The following MYO1C variants were observed in gnomAD, a reference collection of about 807,000 sequenced individuals.
MYO1C encodes myosin IC, also known as unconventional myosin-Ic.
MYO1C carries 104 observed loss-of-function variants against 150.8 expected under a neutral mutation model. The ratio of observed to expected loss-of-function variants is 0.69; its 90% CI spans 0.59 to 0.81. MYO1C has a LOEUF of 0.81. Among genes scored for constraint, MYO1C ranks in the 30% least tolerant of loss-of-function variants. The probability of loss-of-function intolerance (pLI) is 0.00; values close to 1 mark genes in which losing one functional copy is unlikely to be tolerated. For synonymous variants in MYO1C, 663 were observed against 579.9 expected (o/e 1.14, Z -2.06); for missense variants, 1,504 against 1,435.0 (o/e 1.05, Z -0.78).
At chr17:1,486,643 G>T (rs1192082477) in intron 1 of MYO1C, among the ~76,000 whole-genome samples, 1 of 152,116 alleles carries the variant, frequency 6.6e-6, no homozygotes, top group East Asian at 1.9e-4. Flanking sequence ...AGCCTCCCGA[G>T]TAGCTGGGAT....
Position 1,478,073 on chromosome 17 carries a change from A to G in MYO1C, c.1401+14T>C. Reference sequence around the variant, plus strand: ...CCCGTGGCCCACGGAGAGTGCCCCCAGGCTAGCACACACCGCGATGCCCTC... The same window carrying G: ...CCCGTGGCCCACGGAGAGTGCCCCCGGGCTAGCACACACCGCGATGCCCTC... On this transcript the variant is annotated intron_variant, in intron 12 of 31. Transcript: ENST00000648651. This position sits in a 1 kb window ranked among gnomAD's most constrained non-coding sequence, Gnocchi z 6.3. 1 of 1,613,762 alleles carries G rather than the reference A, an allele frequency of 6.2e-7. No homozygotes were observed. The highest frequency in any genetic ancestry group is 8.5e-7 in the Non-Finnish European group (1 of 1,179,770).
chr17:1,467,338 G>C lies in MYO1C; in HGVS notation c.3069C>G (p.Ile1023Met). ...CCCTGCCGGGGCCCCCTGCAAACGT[G>C]ATGCTGGGGGAACGGGGTGGGTGAG... Reference protein sequence around the residue: ...VNSININQGSITFAGGPGRDG... With the variant: ...VNSININQGSMTFAGGPGRDG... Residue 1023 changes from isoleucine to methionine, a missense_variant, in exon 31 of 32, where the codon ATC becomes ATG. By Grantham distance (10) the Ile-to-Met change is conservative. Transcript: ENST00000648651. The C allele has an allele frequency of 6.2e-7, 1 of 1,612,334 alleles. No individual in the cohort carries two copies. Among genetic ancestry groups the C allele is most frequent in the Non-Finnish European group, 8.5e-7 (1 of 1,179,318 alleles).
rs765368791 is a variant in MYO1C, at chr17:1,478,533, G to A, written c.1213-41C>T. On this transcript the variant is annotated intron_variant, in intron 10 of 31. Transcript: ENST00000648651. This position sits in a 1 kb window ranked among gnomAD's most constrained non-coding sequence, Gnocchi z 6.3. ...AACCGAAGGCGTGGGCCCCCTGCGCGTGCCAGCCCCACCCTGCAGCACCCC... is the reference window on the plus strand; with the variant it reads ...AACCGAAGGCGTGGGCCCCCTGCGCATGCCAGCCCCACCCTGCAGCACCCC... 5.0e-6 allele frequency: 8 copies of A among 1,613,576 alleles called. No homozygotes were observed. Among genetic ancestry groups the A allele is most frequent in the African/African-American group, 1.3e-5 (1 of 74,910 alleles).
intron 4 of MYO1C, 148 bp from the exon 5 acceptor site, chr17:1,482,706 G>GCCCTC (rs1555522398): frequency 5.5e-6 from 2 of 363,692 alleles, no homozygotes; most frequent in Admixed American, 3.7e-5. Flanking sequence ...TTCTCTCCCT[G>GCCCTC]CCCTCCCCTC....
At position 1,469,614 on chromosome 17, in the gene MYO1C, C is replaced by G; in HGVS notation, c.2527G>C (p.Ala843Pro). Residue 843 changes from alanine to proline, a missense_variant and splice_region_variant, in exon 25 of 32, where the codon GCC (alanine) becomes CCC (proline). Physicochemically the swap from Ala to Pro is conservative, Grantham distance 27. Coordinates refer to ENST00000648651, the MANE Select transcript of MYO1C (RefSeq NM_001080779.2). ...WPTPPPALRE[A>P]SELLRELCIK... ...CACAACTCCCGCAGAAGCTCTGAGG[C>G]CTAAGGGGAGGAGTGAGGTCAGAGG... 7 of 1,610,408 alleles carry G rather than the reference C, an allele frequency of 4.3e-6. No individual in the cohort carries two copies. The highest frequency in any genetic ancestry group is 5.9e-6 in the Non-Finnish European group (7 of 1,177,842).
chr17:1,480,655 C>T (rs2074501558), intron 6 of MYO1C, 30 bp from the exon 7 acceptor site: 1 of 1,613,768 alleles, frequency 6.2e-7, no homozygotes, highest in Non-Finnish European at 8.5e-7. Flanking sequence ...GGGTTGCCAG[C>T]CCTGGCACCA....
chr17:1,475,186 C>T (rs1442267413), intron 14 of MYO1C, among the ~76,000 whole-genome samples, 154 bp from the exon 15 acceptor site: 3 of 152,220 alleles, frequency 2.0e-5, no homozygotes, highest in East Asian at 3.9e-4. Flanking sequence ...TTGGGGAGGC[C>T]GAGGTGGGTA....
chr17:1,485,287 G>C (rs2074628421), intron 1 of MYO1C: 3 of 1,130,588 alleles, frequency 2.7e-6, no homozygotes, highest in Non-Finnish European at 3.3e-6. Context: ...AGAAGAACAA[G>C]GTGGTGGTGA....
chr17:1,482,595 T>C (rs1221893849), intron 4 of MYO1C, 37 bp from the exon 5 acceptor site: 1 of 1,566,318 alleles, frequency 6.4e-7, no homozygotes, highest in African/African-American at 1.4e-5. Context: ...CACCTGGCAC[T>C]CTCCCCCTGC....
At position 1,488,114 on chromosome 17, in the gene MYO1C, C is replaced by A. The variant is rs571879219; in HGVS notation, c.76-3811G>T. 8.5e-5 allele frequency among the ~76,000 whole-genome samples: 13 copies of A among 152,282 alleles called. No individual in the cohort carries two copies. In the South Asian group the frequency reaches 2.3e-3, roughly 27 times the overall value. ...GGCGTGGCAGGAGCCAGCGGGGGCGCGGCCAGAGGACGGGGCGGAGCTTCG... is the reference window on the plus strand; with the variant it reads ...GGCGTGGCAGGAGCCAGCGGGGGCGAGGCCAGAGGACGGGGCGGAGCTTCG... On this transcript the variant is annotated intron_variant, in intron 1 of 31. Coordinates refer to ENST00000648651, the MANE Select transcript of MYO1C (RefSeq NM_001080779.2).
chr17:1,485,830 C>T (rs1375192026), intron 1 of MYO1C: 6 of 565,422 alleles, frequency 1.1e-5, no homozygotes, highest in African/African-American at 2.0e-5. Context: ...CACCCGGGCC[C>T]CTGAAGCGCG....
At chr17:1,469,381 G>A (rs74369015) in intron 25 of MYO1C, 150 bp downstream of exon 25, 1 of 600,344 alleles carries the variant, frequency 1.7e-6, no homozygotes, top group Admixed American at 2.6e-5. Flanking sequence ...GAGTAGACCA[G>A]GGTAAATACG....
chr17:1,480,729 G>C lies in MYO1C; in HGVS notation c.784C>G (p.Gln262Glu). 6.2e-7 allele frequency: 1 copy of C among 1,614,140 alleles called. No individual in the cohort carries two copies. Among genetic ancestry groups the C allele is most frequent in the Non-Finnish European group, 8.5e-7 (1 of 1,180,030 alleles). Reference sequence around the variant, plus strand: ...ACCTTCACCAGGTACAGGTAGCTCTGGGGGTTCCGTTCCAAGCCCAGCCTG... The same window carrying C: ...ACCTTCACCAGGTACAGGTAGCTCTCGGGGTTCCGTTCCAAGCCCAGCCTG... Reference protein sequence around the residue: ...LRRLGLERNPQSYLYLVKGQC... With the variant: ...LRRLGLERNPESYLYLVKGQC... The change falls in exon 6 of 32, where the codon CAG becomes GAG. Residue 262 changes from glutamine to glutamate, a missense_variant. Coordinates refer to ENST00000648651, the MANE Select transcript of MYO1C (RefSeq NM_001080779.2).
chr17:1,484,553 C>G (rs754204624), intron 1 of MYO1C: 2 of 598,668 alleles, frequency 3.3e-6, no homozygotes, highest in Non-Finnish European at 6.0e-6. Context: ...GCTGCGGGCA[C>G]AGAACAGAGA....
intron 1 of MYO1C, among the ~76,000 whole-genome samples, chr17:1,489,159 C>T (rs1411236734): frequency 1.3e-5 from 2 of 152,216 alleles, no homozygotes; most frequent in Non-Finnish European, 1.5e-5. Context: ...AGGGCTTCAA[C>T]TTCTGTTTAT....
rs1325356821 is a variant in MYO1C, at chr17:1,470,441, A to G, written c.2360T>C (p.Ile787Thr). ...AAKRKWAAQT[I>T]RRLIRGFVLR... ...AAGGCACCCTGGCGCTCACCGCCGG[A>G]TGGTCTGTGCCGCCCACTTCCTCTT... The change falls in exon 23 of 32, where the codon ATC becomes ACC. Residue 787 changes from isoleucine to threonine, a missense_variant. Physicochemically the swap from Ile to Thr is moderately conservative, Grantham distance 89 (BLOSUM62 -1). Coordinates refer to ENST00000648651, the MANE Select transcript of MYO1C (RefSeq NM_001080779.2). 1 of 1,550,324 alleles carries G rather than the reference A, an allele frequency of 6.5e-7. No individual in the cohort carries two copies. Among genetic ancestry groups the G allele is most frequent in the African/African-American group, 1.4e-5 (1 of 73,022 alleles).
Position 1,479,450 on chromosome 17 carries a change from A to C in MYO1C, c.1073T>G (p.Ile358Ser). 1 of 1,494,628 alleles carries C rather than the reference A, an allele frequency of 6.7e-7. No individual in the cohort carries two copies. The highest frequency in any genetic ancestry group is 9.1e-7 in the Non-Finnish European group (1 of 1,098,398). The allele number at this position is 1,494,628 out of a possible 1,614,324, so 92.6% of individuals were successfully genotyped here. Residue 358 changes from isoleucine (I) to serine (S), a missense_variant, in exon 9 of 32, where the codon ATC (isoleucine) becomes AGC (serine). Coordinates refer to ENST00000648651, the MANE Select transcript of MYO1C (RefSeq NM_001080779.2). The surrounding 1 kb of genome is among the most constrained non-coding windows in gnomAD (Gnocchi z 4.2). The stretch of plus-strand genomic sequence containing the variant: ...CCTCACCTCCTCCCCCTTGGCGATG[A>C]TCTTCCTGTGTGTCAGGGCTTCTCG... ...TLREALTHRKIIAKGEELLSP... is the reference protein window; with the variant it reads ...TLREALTHRKSIAKGEELLSP...
Position 1,474,968 on chromosome 17 carries a change from A to G in MYO1C, c.1639T>C (p.Tyr547His). ...LGRGEFRLLH[Y>H]AGEVTYSVTG... is the part of the protein sequence containing the mutation. Reference sequence around the variant, plus strand: ...ACGCTGTAGGTCACCTCCCCCGCATAGTGCAGAAGGCGGAATTCCCCTCGG... The same window carrying G: ...ACGCTGTAGGTCACCTCCCCCGCATGGTGCAGAAGGCGGAATTCCCCTCGG... The change falls in exon 15 of 32, where the codon TAT becomes CAT. Residue 547 changes from tyrosine (Y) to histidine (H), a missense_variant. Coordinates refer to ENST00000648651, the MANE Select transcript of MYO1C (RefSeq NM_001080779.2). 1 of 1,573,842 alleles carries G rather than the reference A, an allele frequency of 6.4e-7. No homozygotes were observed. The highest frequency in any genetic ancestry group is 8.6e-7 in the Non-Finnish European group (1 of 1,158,930).
Position 1,468,387 on chromosome 17 carries a change from A to G in MYO1C, c.2704+16T>C. 2 of 1,613,730 alleles carry G rather than the reference A, an allele frequency of 1.2e-6. No homozygotes were observed. Among genetic ancestry groups the G allele is most frequent in the South Asian group, 1.1e-5 (1 of 91,060 alleles). On this transcript the variant is annotated intron_variant, in intron 26 of 31. Coordinates refer to ENST00000648651, the MANE Select transcript of MYO1C (RefSeq NM_001080779.2). Reference sequence around the variant, plus strand: ...TGGTGACGAAAGGTCTGAGTGCTGGAAAGTCAGGGGCTCACCAAGCCGAGT... The same window carrying G: ...TGGTGACGAAAGGTCTGAGTGCTGGGAAGTCAGGGGCTCACCAAGCCGAGT...
Sources: gnomAD v4.1 joint callset for allele counts (sites outside exome capture counted in the v4.1 genomes callset) on GRCh38, gnomAD v4.1.1 for gene constraint, Gnocchi (gnomAD v3.1) non-coding constraint, MANE v1.5 for transcripts, NCBI Gene and HGNC (gene_info 2026-07-23, HGNC 2026-07-21) for gene names.